The following FNDC3A variants were observed in gnomAD, a reference collection of about 807,000 sequenced individuals.
FNDC3A encodes the protein fibronectin type-III domain-containing protein 3A.
FNDC3A carries 32 observed loss-of-function variants against 148.9 expected under a neutral mutation model. The observed-to-expected ratio is 0.21, with a 90% CI of 0.16 to 0.29. FNDC3A has a LOEUF of 0.29. FNDC3A is among the 10% of genes least tolerant of loss of function. The pLI, the probability that FNDC3A is intolerant of heterozygous loss-of-function variation, is 1.00. For synonymous variants in FNDC3A, 472 were observed against 473.6 expected (o/e 1.00, Z 0.04); for missense variants, 1,191 against 1,452.8 (o/e 0.82, Z 2.93).
intron 8 of FNDC3A, among the ~76,000 whole-genome samples, chr13:49,151,177 G>T (rs796823579): frequency 2.6e-5 from 4 of 152,048 alleles, no homozygotes; most frequent in South Asian, 2.1e-4. Flanking sequence ...TGCTGAGAGT[G>T]GGGGGTTGAA....
chr13:49,171,980 A>C, intron 10 of FNDC3A, 63 bp from the exon 11 acceptor site: 2 of 1,090,240 alleles, frequency 1.8e-6, no homozygotes, highest in Non-Finnish European at 2.8e-6. Context: ...ATATTAGATC[A>C]TCACAGTATC....
intron 13 of FNDC3A, among the ~76,000 whole-genome samples, chr13:49,178,023 CA>C (rs1254667857): frequency 2.6e-5 from 4 of 152,114 alleles, no homozygotes; most frequent in Non-Finnish European, 5.9e-5. Flanking sequence ...AATTATATCT[CA>C]ATTTTTTTAA....
intron 4 of FNDC3A, among the ~76,000 whole-genome samples, chr13:49,130,351 C>G (rs892999974): frequency 6.6e-6 from 1 of 151,850 alleles, no homozygotes. Context: ...TAAAATTGTC[C>G]TGGTCATGGT....
At chr13:49,045,386 T>G (rs892258457) in intron 2 of FNDC3A, 2 of 159,596 alleles carry the variant, frequency 1.3e-5, no homozygotes, top group African/African-American at 4.8e-5. Flanking sequence ...ACTCCTGACC[T>G]CAAGGATACT....
intron 2 of FNDC3A, among the ~76,000 whole-genome samples, chr13:49,074,158 T>C (rs1204462020): frequency 6.6e-6 from 1 of 152,072 alleles, no homozygotes; most frequent in African/African-American, 2.4e-5. Flanking sequence ...TTAGTGATGA[T>C]TTCTGAGATT....
chr13:49,114,421 C>G (rs1429392588), intron 3 of FNDC3A, among the ~76,000 whole-genome samples: 10 of 150,704 alleles, frequency 6.6e-5, no homozygotes, highest in African/African-American at 2.0e-4. Context: ...CCCCGCCCCC[C>G]ACCACCCCTA....
chr13:49,017,401 T>C (rs1459461442), intron 2 of FNDC3A, among the ~76,000 whole-genome samples: 3 of 152,228 alleles, frequency 2.0e-5, no homozygotes, highest in African/African-American at 7.2e-5. Context: ...TAAAGTCGTT[T>C]TATTAGATAC....
chr13:49,168,597 T>C lies in FNDC3A; in HGVS notation c.1038-16T>C. ...AGTGATTATGAAAGGTAAAACTATT[T>C]ATTTTATCACCATAGAGTCCAGGCA... is the stretch of plus-strand genomic sequence containing the variant. On this transcript the variant is annotated splice_polypyrimidine_tract_variant and intron_variant, in intron 9 of 25. Transcript: ENST00000492622. 1 of 1,593,602 alleles carries C rather than the reference T, an allele frequency of 6.3e-7. No individual in the cohort carries two copies. The highest frequency in any genetic ancestry group is 8.6e-7 in the Non-Finnish European group (1 of 1,164,542).
At chr13:49,200,401 C>A (rs1447668594) in intron 23 of FNDC3A, among the ~76,000 whole-genome samples, 1 of 152,140 alleles carries the variant, frequency 6.6e-6, no homozygotes, top group Non-Finnish European at 1.5e-5. Flanking sequence ...TTGTTCTTGG[C>A]AGAATTTTAT....
At chr13:48,988,060 A>G (rs1436120368) in intron 1 of FNDC3A, 1 of 152,244 alleles carries the variant, frequency 6.6e-6, no homozygotes, top group African/African-American at 2.4e-5. Context: ...AAAGAAGGGC[A>G]TTACATAATA....
chr13:49,172,232 G>C, intron 11 of FNDC3A, 136 bp downstream of exon 11: 1 of 513,988 alleles, frequency 1.9e-6, no homozygotes. Context: ...TGGTGCATGA[G>C]TGGATTGATG....
chr13:49,072,663 A>C (rs1877776665), intron 2 of FNDC3A, among the ~76,000 whole-genome samples: 1 of 152,078 alleles, frequency 6.6e-6, no homozygotes, highest in Non-Finnish European at 1.5e-5. Flanking sequence ...ATTATTATTT[A>C]ATTGCAGATG....
At chr13:48,989,047 C>G (rs889671844) in intron 1 of FNDC3A, among the ~76,000 whole-genome samples, 2 of 152,096 alleles carry the variant, frequency 1.3e-5, no homozygotes, top group Non-Finnish European at 2.9e-5. Flanking sequence ...GTGCCTGTTT[C>G]CACTAGCTAG....
At chr13:49,187,756 G>A in intron 16 of FNDC3A, 1 of 894,734 alleles carries the variant, frequency 1.1e-6, no homozygotes, top group South Asian at 1.5e-5. Flanking sequence ...TTTTTTCCTG[G>A]ATTTTTTTTT....
intron 2 of FNDC3A, among the ~76,000 whole-genome samples, chr13:49,030,288 A>G (rs1333101354): frequency 1.3e-5 from 2 of 152,194 alleles, no homozygotes; most frequent in African/African-American, 4.8e-5. Context: ...ATCTCAGTAG[A>G]CTCAAAAGAA....
chr13:49,163,058 G>T (rs943685852), intron 8 of FNDC3A, among the ~76,000 whole-genome samples: 4 of 152,188 alleles, frequency 2.6e-5, no homozygotes, highest in Admixed American at 1.3e-4. Flanking sequence ...CTACTGGGAG[G>T]TGTCTCCCAG....
intron 1 of FNDC3A, among the ~76,000 whole-genome samples, chr13:48,998,063 C>A (rs1952056755): frequency 6.6e-6 from 1 of 151,916 alleles, no homozygotes; most frequent in Non-Finnish European, 1.5e-5. Flanking sequence ...GGGTGATAGG[C>A]CATTCTGATG....
chr13:49,112,096 T>A (rs894139880), intron 3 of FNDC3A, among the ~76,000 whole-genome samples: 12 of 152,246 alleles, frequency 7.9e-5, no homozygotes, highest in African/African-American at 2.7e-4. Context: ...AATAACTTAT[T>A]ATTCTGATGG....
chr13:49,032,151 C>T (rs191606384), intron 2 of FNDC3A, among the ~76,000 whole-genome samples: 1 of 152,162 alleles, frequency 6.6e-6, no homozygotes, highest in East Asian at 1.9e-4. Flanking sequence ...GTGTTAGCAA[C>T]GATATGGAAA....
Sources: allele counts gnomAD v4.1 joint callset (sites outside exome capture counted in the v4.1 genomes callset), GRCh38; gene constraint gnomAD v4.1.1; transcripts MANE v1.5; gene names NCBI Gene and HGNC (gene_info 2026-07-23, HGNC 2026-07-21).